Variants in ACTR3C observed in about 807,000 individuals in gnomAD.
ACTR3C encodes the protein actin-related protein 3C.
In ACTR3C, 18 loss-of-function variants were observed where a neutral mutation model predicts 26.3. That is an observed-to-expected ratio of 0.68 (90% confidence interval 0.47 to 1.01). The LOEUF (loss-of-function observed/expected upper bound fraction) is 1.01, where lower values mean the gene tolerates loss of function less well. ACTR3C is among the 50% of genes least tolerant of loss of function. The pLI is 0.00. For missense variants in ACTR3C, 184 were observed against 250.7 expected, an observed-to-expected ratio of 0.73 and a Z score of 1.80; for synonymous variants, 55 against 94.5, an observed-to-expected ratio of 0.58 and a Z score of 2.42.
chr7:150,117,447 AG>A, the ACTR3C span, among the ~76,000 whole-genome samples: 1 of 152,234 alleles, frequency 6.6e-6, no homozygotes, highest in Non-Finnish European at 1.5e-5. Flanking sequence ...TTCCCCTCAC[AG>A]TGTAAACAAA....
the ACTR3C span, among the ~76,000 whole-genome samples, chr7:150,203,555 GTGTTTTTTTC>G: frequency 6.6e-6 from 1 of 150,690 alleles, no homozygotes; most frequent in South Asian, 2.1e-4. Flanking sequence ...AACTACCTAG[GTGTTTTTTTC>G]TGTTTTTTTT....
chr7:150,130,828 G>T, the ACTR3C span, among the ~76,000 whole-genome samples: 40 of 152,282 alleles, frequency 2.6e-4, no homozygotes, highest in East Asian at 6.9e-3. Flanking sequence ...TGATAAGCAT[G>T]CAACGACACG....
chr7:149,929,392 C>T, the ACTR3C span, among the ~76,000 whole-genome samples: 1 of 125,682 alleles, frequency 8.0e-6, no homozygotes, highest in Non-Finnish European at 1.6e-5. Flanking sequence ...TGTGCCACTG[C>T]ACTCCAGCCT....
rs143051339 is a variant in ACTR3C at position 150,299,831 on chromosome 7, C to T, written c.-51-4484G>A. On this transcript the variant is annotated intron_variant, in intron 1 of 7. Coordinates refer to ENST00000683684, the MANE Select transcript of ACTR3C (RefSeq NM_001164458.2). ...GGGGAGAGGGGAAATAATGGGGACT[C>T]GTTCAATGAGTACGGAGTTTCAGTT... 9.5e-4 allele frequency among the ~76,000 whole-genome samples: 144 copies of T among 152,032 alleles called. 1 individual carries two copies. The highest frequency in any genetic ancestry group is 3.3e-3 in the African/African-American group (136 of 41,450).
the ACTR3C span, among the ~76,000 whole-genome samples, chr7:150,099,560 A>C: frequency 6.6e-6 from 1 of 151,522 alleles, no homozygotes; most frequent in South Asian, 2.1e-4. Flanking sequence ...GCTGTGCCTC[A>C]CTGCTGGGCT....
chr7:150,006,223 G>C, the ACTR3C span, among the ~76,000 whole-genome samples: 20 of 84,598 alleles, frequency 2.4e-4, no homozygotes, highest in African/African-American at 1.2e-3. Flanking sequence ...TTGAGAAGGA[G>C]TCTTACTCTG....
At chr7:150,090,244 A>T in the ACTR3C span, among the ~76,000 whole-genome samples, 4 of 152,246 alleles carry the variant, frequency 2.6e-5, no homozygotes, top group African/African-American at 9.6e-5. Flanking sequence ...TCTGACTTCC[A>T]TTATTTCAGA....
At chr7:150,093,904 T>A in the ACTR3C span, among the ~76,000 whole-genome samples, 4 of 150,892 alleles carry the variant, frequency 2.7e-5, 1 homozygote, top group African/African-American at 9.9e-5. Flanking sequence ...GAGGGCTTCC[T>A]GCGTGCAGAT....
At chr7:150,151,840 T>A in the ACTR3C span, among the ~76,000 whole-genome samples, 1 of 137,766 alleles carries the variant, frequency 7.3e-6, no homozygotes, top group Non-Finnish European at 1.6e-5. Flanking sequence ...GTACCTAACC[T>A]GCACATTGTG....
chr7:150,038,918 C>T, the ACTR3C span, among the ~76,000 whole-genome samples: 1 of 83,534 alleles, frequency 1.2e-5, no homozygotes, highest in South Asian at 3.7e-4. Flanking sequence ...TACTAACAGC[C>T]AGGGGTGGAA....
At chr7:149,964,634 T>C in the ACTR3C span, among the ~76,000 whole-genome samples, 1 of 152,234 alleles carries the variant, frequency 6.6e-6, no homozygotes, top group Non-Finnish European at 1.5e-5. Context: ...GCAATAACTC[T>C]AGTCAGTTAC....
chr7:150,082,946 T>C, the ACTR3C span, among the ~76,000 whole-genome samples: 22 of 99,092 alleles, frequency 2.2e-4, no homozygotes, highest in South Asian at 8.2e-4. Flanking sequence ...TTTTTTTTTT[T>C]CTTTTTTTTT....
chr7:150,065,280 A>G, the ACTR3C span, among the ~76,000 whole-genome samples: 1 of 152,262 alleles, frequency 6.6e-6, no homozygotes. Flanking sequence ...TCTCTAATGA[A>G]TAGAATGATT....
chr7:150,306,620 G>C (rs1212836098), intron 1 of ACTR3C, among the ~76,000 whole-genome samples: 4 of 152,234 alleles, frequency 2.6e-5, no homozygotes, highest in South Asian at 2.1e-4. Flanking sequence ...GCTAAAGTGG[G>C]AGGATCACTT....
At chr7:150,131,912 T>C in the ACTR3C span, among the ~76,000 whole-genome samples, 1 of 152,244 alleles carries the variant, frequency 6.6e-6, no homozygotes, top group African/African-American at 2.4e-5. Context: ...ACTACATGAA[T>C]GAACCTTGAA....
the ACTR3C span, among the ~76,000 whole-genome samples, chr7:149,953,238 T>C: frequency 3.3e-5 from 5 of 149,692 alleles, no homozygotes; most frequent in East Asian, 9.7e-4. Flanking sequence ...TGCATAAATG[T>C]AGTTAAATAA....
the ACTR3C span, among the ~76,000 whole-genome samples, chr7:150,129,180 G>T: frequency 6.6e-6 from 1 of 151,942 alleles, no homozygotes; most frequent in East Asian, 1.9e-4. Context: ...ATGCAAGGAA[G>T]TGCTAAGAGG....
chr7:150,215,541 G>A, the ACTR3C span, among the ~76,000 whole-genome samples: 2 of 152,178 alleles, frequency 1.3e-5, no homozygotes, highest in Non-Finnish European at 2.9e-5. Flanking sequence ...CAGAGCCAAA[G>A]TTTTGCATCT....
At chr7:150,195,847 C>T in the ACTR3C span, among the ~76,000 whole-genome samples, 1 of 152,144 alleles carries the variant, frequency 6.6e-6, no homozygotes, top group African/African-American at 2.4e-5. Flanking sequence ...CCATTGCACT[C>T]CAGCCTGGGA....
Sources: allele counts gnomAD v4.1 joint callset (sites outside exome capture counted in the v4.1 genomes callset), GRCh38; gene constraint gnomAD v4.1.1; transcripts MANE v1.5; gene names NCBI Gene and HGNC (gene_info 2026-07-23, HGNC 2026-07-21).